RNPS1: variants seen among roughly 807,000 people sequenced by gnomAD.
RNPS1 encodes the protein RNA binding protein with serine rich domain 1.
For synonymous variants in RNPS1, 147 were observed against 150.0 expected (o/e 0.98, Z 0.15); for missense variants, 300 against 427.6 (o/e 0.70, Z 2.63).
intron 1 of RNPS1, 34 bp downstream of exon 1, chr16:2,268,021 A>G: frequency 2.6e-6 from 4 of 1,533,738 alleles, no homozygotes; most frequent in Non-Finnish European, 3.5e-6. Context: ...CAGCCCCCGA[A>G]ACACGGATGC....
At chr16:2,259,682 G>A (rs2093594316) in intron 6 of RNPS1, among the ~76,000 whole-genome samples, 1 of 152,208 alleles carries the variant, frequency 6.6e-6, no homozygotes, top group African/African-American at 2.4e-5. Context: ...GAGGTCAGGA[G>A]ATCCAGACCA....
At chr16:2,263,423 G>A in intron 3 of RNPS1, 136 bp from the exon 4 acceptor site, 2 of 793,816 alleles carry the variant, frequency 2.5e-6, no homozygotes, top group Non-Finnish European at 4.1e-6. Context: ...TTCAGCAGTG[G>A]GGAAAACATC....
chr16:2,254,093 T>A, intron 7 of RNPS1, 30 bp from the exon 8 acceptor site: 1 of 1,422,980 alleles, frequency 7.0e-7, no homozygotes, highest in South Asian at 1.5e-5. Context: ...CACATCAGAG[T>A]AGCTCAGGCT....
chr16:2,256,020 G>A (rs2093576748), intron 6 of RNPS1: 1 of 345,384 alleles, frequency 2.9e-6, no homozygotes, highest in Non-Finnish European at 5.4e-6. Flanking sequence ...AGCTACTCGG[G>A]AGGCTGAGGC....
chr16:2,258,427 T>G (rs899204361), intron 6 of RNPS1: 4 of 152,214 alleles, frequency 2.6e-5, no homozygotes, highest in Non-Finnish European at 4.4e-5. Flanking sequence ...ACACACCCAC[T>G]AAGAACTGGA....
Position 2,253,887 on chromosome 16 carries a change from C to A in RNPS1, c.*77G>T, listed in dbSNP as rs933702937. 1.2e-5 allele frequency: 16 copies of A among 1,327,856 alleles called. No individual in the cohort carries two copies. Among genetic ancestry groups the A allele is most frequent in the Non-Finnish European group, 1.6e-5 (15 of 942,854 alleles). The allele number at this position is 1,327,856 out of a possible 1,614,324, so 82.3% of individuals were successfully genotyped here. On this transcript the variant is annotated 3_prime_UTR_variant, in exon 8 of 8. Transcript: ENST00000320225. ...GTCAAGGGTTTGCTTTCCTACTGGT[C>A]TTCCTTTGGCTAGAAAAGTGACAAA...
chr16:2,261,405 C>T (rs928326292), intron 6 of RNPS1, among the ~76,000 whole-genome samples: 9 of 152,202 alleles, frequency 5.9e-5, no homozygotes, highest in African/African-American at 1.9e-4. Flanking sequence ...TCCACTCCAG[C>T]GCTGTGTTTG....
intron 2 of RNPS1, 112 bp from the exon 3 acceptor site, chr16:2,264,443 C>A: frequency 6.4e-7 from 1 of 1,553,772 alleles, no homozygotes; most frequent in Non-Finnish European, 8.8e-7. Context: ...GAGGTGACCA[C>A]AGAGCAAAGT....
At chr16:2,257,113 G>C (rs2093582115) in intron 6 of RNPS1, 1 of 152,278 alleles carries the variant, frequency 6.6e-6, no homozygotes, top group African/African-American at 2.4e-5. Flanking sequence ...ATGAAGCGAG[G>C]AGAGGCAGTG....
intron 4 of RNPS1, 49 bp downstream of exon 4, chr16:2,263,047 C>G (rs190979847): frequency 6.3e-7 from 1 of 1,582,338 alleles, no homozygotes; most frequent in African/African-American, 1.4e-5. Context: ...GATGGTAAAT[C>G]TGTAGCCCCG....
Position 2,263,340 on chromosome 16 carries a change from G to A in RNPS1, c.228-53C>T, listed in dbSNP as rs1730105477. On this transcript the variant is annotated intron_variant, in intron 3 of 7. Transcript: ENST00000320225. ...ACCACACACCAAGTCTCACAGTACA[G>A]ACGCCTCCTCCAATTCTGTTGTGCT... 5 of 1,573,872 alleles carry A rather than the reference G, an allele frequency of 3.2e-6. No individual in the cohort carries two copies. The South Asian group carries it at 5.6e-5, about 18-fold the overall frequency.
chr16:2,264,297 C>T lies in RNPS1; in HGVS notation c.106G>A (p.Asp36Asn). 2 of 1,614,228 alleles carry T rather than the reference C, an allele frequency of 1.2e-6. No individual in the cohort carries two copies. Among genetic ancestry groups the T allele is most frequent in the Non-Finnish European group, 1.7e-6 (2 of 1,180,046 alleles). The stretch of plus-strand genomic sequence containing the variant: ...TTTGAGCGATCCTTGGACTTCTCAT[C>T]TGAGCGGTCTTTGCGTTTGGTAGGT... ...PSPTKRKDRS[D>N]EKSKDRSKDK... Residue 36 changes from aspartate (D) to asparagine (N), a missense_variant, in exon 3 of 8, where the codon GAT becomes AAT. Physicochemically the swap from Asp to Asn is conservative, Grantham distance 23. Coordinates refer to ENST00000320225, the MANE Select transcript of RNPS1 (RefSeq NM_080594.4).
chr16:2,259,363 GTTAAA>G (rs1352130392), intron 6 of RNPS1, among the ~76,000 whole-genome samples: 3 of 152,154 alleles, frequency 2.0e-5, no homozygotes, highest in South Asian at 2.1e-4. Context: ...TAATTGTTAT[GTTAAA>G]TTATTGTGTG....
intron 2 of RNPS1, 50 bp from the exon 3 acceptor site, chr16:2,264,381 A>G (rs374847019): frequency 6.2e-7 from 1 of 1,612,264 alleles, no homozygotes; most frequent in Non-Finnish European, 8.5e-7. Context: ...GACCAAACCC[A>G]AACAGCACAA....
At position 2,262,959 on chromosome 16, in the gene RNPS1, C is replaced by CT. The variant is rs2093609265; in HGVS notation, c.420-118dup. The stretch of plus-strand genomic sequence containing the variant: ...AGTTTTCATAAGGAAGACTTTCCTG[C>CT]TAGTTCACATACATTATTCCTGTCT... On this transcript the variant is annotated intron_variant, in intron 4 of 7. Transcript: ENST00000320225. 1.3e-5 allele frequency: 17 copies of CT among 1,302,464 alleles called. No individual in the cohort carries two copies. The South Asian group carries it at 2.0e-4, about 15-fold the overall frequency. The allele number at this position is 1,302,464 out of a possible 1,614,324, so 80.7% of individuals were successfully genotyped here. A position where few individuals can be genotyped will look rare whatever the true frequency, so the allele number is the denominator to read the frequency against.
chr16:2,263,918 C>G (rs929386499), intron 3 of RNPS1: 4 of 287,540 alleles, frequency 1.4e-5, no homozygotes, highest in Admixed American at 1.2e-4. Context: ...TTTGTAGAGA[C>G]GAGCTCTTGT....
intron 6 of RNPS1, chr16:2,257,817 A>G (rs2093585334): frequency 6.6e-6 from 1 of 152,290 alleles, no homozygotes; most frequent in Non-Finnish European, 1.5e-5. Context: ...ACTGAAAAAA[A>G]CCAGCTAAGC....
rs933685425 is a variant in RNPS1 at position 2,268,126 on chromosome 16, C to T, written c.-189G>A. 6.5e-7 allele frequency: 1 copy of T among 1,531,824 alleles called. No individual in the cohort carries two copies. The highest frequency in any genetic ancestry group is 8.7e-7 in the Non-Finnish European group (1 of 1,144,084). The allele number at this position is 1,531,824 out of a possible 1,614,324, so 94.9% of individuals were successfully genotyped here. On this transcript the variant is annotated 5_prime_UTR_variant, in exon 1 of 8. Transcript: ENST00000320225. Reference sequence around the variant, plus strand: ...GCCGGCGCCGCTCTGACGTCAGAGTCAAGGAGCGGGAAGTCGCCGCCGCCC... The same window carrying T: ...GCCGGCGCCGCTCTGACGTCAGAGTTAAGGAGCGGGAAGTCGCCGCCGCCC...
intron 1 of RNPS1, 120 bp downstream of exon 1, chr16:2,267,935 C>T (rs943303818): frequency 2.0e-6 from 3 of 1,528,626 alleles, no homozygotes; most frequent in Non-Finnish European, 1.7e-6. Context: ...GCCCGCACCG[C>T]GCTGCCAGGC....
Sources: allele counts gnomAD v4.1 joint callset (sites outside exome capture counted in the v4.1 genomes callset), GRCh38; gene constraint gnomAD v4.1.1; transcripts MANE v1.5; gene names NCBI Gene and HGNC (gene_info 2026-07-23, HGNC 2026-07-21).